Variants in CHN2 observed in about 807,000 individuals in gnomAD.
CHN2 encodes chimerin 2, also known as beta-chimaerin.
In CHN2, 35 loss-of-function variants were observed where a neutral mutation model predicts 56.3. The observed-to-expected ratio is 0.62, with a 90% CI of 0.47 to 0.82. The LOEUF (loss-of-function observed/expected upper bound fraction) is 0.82. CHN2 is among the 40% of genes least tolerant of loss of function. The pLI, the probability that CHN2 is intolerant of heterozygous loss-of-function variation, is 0.00. For synonymous variants in CHN2, 210 were observed against 212.8 expected, an observed-to-expected ratio of 0.99 and a Z score of 0.12; for missense variants, 491 against 580.5, an observed-to-expected ratio of 0.85 and a Z score of 1.58.
At chr7:29,417,375 C>T (rs1479638834) in intron 6 of CHN2, among the ~76,000 whole-genome samples, 44 of 150,178 alleles carry the variant, frequency 2.9e-4, no homozygotes, top group African/African-American at 1.0e-3. Flanking sequence ...TCGCTCTGTC[C>T]CCCAGGCTGG....
chr7:29,270,679 A>C (rs200720832), intron 1 of CHN2, among the ~76,000 whole-genome samples: 1 of 33,416 alleles, frequency 3.0e-5, no homozygotes, highest in Non-Finnish European at 5.0e-5. Flanking sequence ...AATAATAATA[A>C]AATAAAAAAT....
chr7:29,304,667 C>T (rs1793998913), intron 1 of CHN2, among the ~76,000 whole-genome samples: 1 of 152,110 alleles, frequency 6.6e-6, no homozygotes, highest in African/African-American at 2.4e-5. Flanking sequence ...TGCACACGAA[C>T]TGGTTTTGTG....
At chr7:29,496,147 C>T (rs575594624) in intron 8 of CHN2, 111 bp downstream of exon 8, 1 of 819,428 alleles carries the variant, frequency 1.2e-6, no homozygotes. Context: ...AAAGTCTAGC[C>T]TTCTGCAGGG....
exon 1 of CHN2, chr7:29,146,651 C>T (rs1473229943): frequency 1.9e-6 from 3 of 1,550,578 alleles, no homozygotes; most frequent in South Asian, 2.4e-5. Flanking sequence ...GAAACCTGGC[C>T]GCATCAAGTC....
chr7:29,216,972 TC>T (rs1785390202), intron 1 of CHN2, among the ~76,000 whole-genome samples: 2 of 152,306 alleles, frequency 1.3e-5, no homozygotes, highest in East Asian at 1.9e-4. Flanking sequence ...CTGCTCTTTC[TC>T]CCCAGTGTAC....
At chr7:29,345,806 T>C (rs1438719313) in intron 1 of CHN2, among the ~76,000 whole-genome samples, 10 of 152,154 alleles carry the variant, frequency 6.6e-5, no homozygotes, top group Admixed American at 5.9e-4. Flanking sequence ...CGGTGCCCTC[T>C]AGTGACCACA....
intron 2 of CHN2, among the ~76,000 whole-genome samples, chr7:29,173,131 A>C (rs886528960): frequency 5.4e-4 from 56 of 103,526 alleles, no homozygotes; most frequent in Non-Finnish European, 5.7e-4. Flanking sequence ...ACTCTGTATC[A>C]AAAAAAAAAA....
chr7:29,388,123 A>G (rs1801070748), intron 3 of CHN2, among the ~76,000 whole-genome samples: 2 of 152,052 alleles, frequency 1.3e-5, no homozygotes, highest in African/African-American at 4.8e-5. Flanking sequence ...TGGAATATAG[A>G]CTCTTGCTGT....
chr7:29,508,759 G>A (rs1333141991), intron 11 of CHN2, among the ~76,000 whole-genome samples: 4 of 152,150 alleles, frequency 2.6e-5, no homozygotes, highest in Non-Finnish European at 1.5e-5. Flanking sequence ...CCTAACCTGG[G>A]CTGTGCACCG....
exon 1 of CHN2, chr7:29,146,697 G>T: frequency 6.4e-7 from 1 of 1,550,636 alleles, no homozygotes; most frequent in Non-Finnish European, 8.7e-7. Flanking sequence ...AGCAGCCCCA[G>T]GGTGGAATCT....
At chr7:29,494,950 TA>T (rs5883217) in intron 7 of CHN2, among the ~76,000 whole-genome samples, 12,029 of 63,804 alleles carry the variant, frequency 0.19, 895 homozygotes, top group East Asian at 0.29. Flanking sequence ...AAGCAGTTTG[TA>T]AAAAAAAAAA....
intron 2 of CHN2, chr7:29,148,477 G>T (rs577891488): frequency 2.6e-5 from 4 of 152,186 alleles, no homozygotes; most frequent in Non-Finnish European, 5.9e-5. Context: ...TGAATAACAC[G>T]TTTTAACTTT....
chr7:29,420,496 G>C (rs1190725369), intron 6 of CHN2, among the ~76,000 whole-genome samples: 1 of 152,178 alleles, frequency 6.6e-6, no homozygotes, highest in Admixed American at 6.5e-5. Context: ...GAACTTTGAG[G>C]ACATTATGCT....
chr7:29,213,703 T>C (rs1292630414), intron 1 of CHN2, among the ~76,000 whole-genome samples: 1 of 152,216 alleles, frequency 6.6e-6, no homozygotes, highest in Non-Finnish European at 1.5e-5. Context: ...TGTTTTACTA[T>C]ATCCCCTAAT....
intron 1 of CHN2, among the ~76,000 whole-genome samples, chr7:29,234,364 C>T (rs1291854350): frequency 3.3e-5 from 5 of 152,180 alleles, no homozygotes; most frequent in African/African-American, 1.2e-4. Context: ...TTTCTTAAAG[C>T]AGCAGATTCT....
chr7:29,236,820 T>C (rs28467), intron 1 of CHN2, among the ~76,000 whole-genome samples: 53,703 of 152,024 alleles, frequency 0.35, 10,115 homozygotes, highest in Admixed American at 0.43. Context: ...CCTTGGCTCA[T>C]GGCCCCACAT....
intron 1 of CHN2, among the ~76,000 whole-genome samples, chr7:29,295,441 G>A (rs1793065623): frequency 6.6e-6 from 1 of 151,308 alleles, no homozygotes; most frequent in South Asian, 2.1e-4. Context: ...ACTCAGAATT[G>A]TAATGAAATG....
chr7:29,400,631 G>A lies in CHN2; in HGVS notation c.379G>A (p.Val127Met). 9 of 1,614,140 alleles carry A rather than the reference G, an allele frequency of 5.6e-6. No homozygotes were observed. The highest frequency in any genetic ancestry group is 7.6e-6 in the Non-Finnish European group (9 of 1,180,000). ...EKRFESIHDL[V>M]TDGLITLYIE... ...GAGGTTTGAGTCGATTCATGATCTG[G>A]TGACAGATGGCTTGATAACACTGTA... The change falls in exon 6 of 13, where the codon GTG becomes ATG. Residue 127 changes from valine to methionine, a missense_variant. By Grantham distance (21) the Val-to-Met change is conservative. Transcript: ENST00000222792.
chr7:29,469,086 C>G (rs1019471316), intron 6 of CHN2, among the ~76,000 whole-genome samples: 2 of 152,170 alleles, frequency 1.3e-5, no homozygotes, highest in Non-Finnish European at 2.9e-5. Context: ...TTAATGGAAA[C>G]TTCATCTGTC....
Sources: allele counts gnomAD v4.1 joint callset (sites outside exome capture counted in the v4.1 genomes callset), GRCh38; gene constraint gnomAD v4.1.1; transcripts MANE v1.5; gene names NCBI Gene and HGNC (gene_info 2026-07-23, HGNC 2026-07-21).